Variants in NDST4 observed in about 807,000 individuals in gnomAD.
The protein encoded by NDST4 is N-deacetylase and N-sulfotransferase 4.
A neutral mutation model predicts 100.8 loss-of-function variants in NDST4; 63 were observed. The observed-to-expected ratio is 0.62, with a 90% CI of 0.51 to 0.77. The LOEUF (loss-of-function observed/expected upper bound fraction) is 0.77, where lower values mean the gene tolerates loss of function less well. NDST4 is among the 30% of genes least tolerant of loss of function. The pLI, the probability that NDST4 is intolerant of heterozygous loss-of-function variation, is 0.00. For missense variants in NDST4, 943 were observed against 1,018.4 expected (o/e 0.93, Z 1.01); for synonymous variants, 377 against 361.8 (o/e 1.04, Z -0.48).
chr4:114,844,390 T>C (rs1723498538), intron 10 of NDST4, among the ~76,000 whole-genome samples: 2 of 152,212 alleles, frequency 1.3e-5, no homozygotes, highest in Non-Finnish European at 2.9e-5. Context: ...GCCTCTCAGC[T>C]GCAACTCCTA....
chr4:114,932,446 T>C (rs570661242), intron 6 of NDST4, among the ~76,000 whole-genome samples: 11 of 152,054 alleles, frequency 7.2e-5, no homozygotes, highest in Non-Finnish European at 1.6e-4. Context: ...AAGAGAAGGA[T>C]GTTCACCCTA....
At chr4:114,830,221 T>C (rs952334004) in intron 12 of NDST4, among the ~76,000 whole-genome samples, 6 of 152,208 alleles carry the variant, frequency 3.9e-5, no homozygotes, top group Non-Finnish European at 7.4e-5. Flanking sequence ...AGCCAATATA[T>C]AAAGGAACTT....
intron 4 of NDST4, among the ~76,000 whole-genome samples, chr4:114,962,427 A>G (rs928231623): frequency 3.9e-5 from 6 of 151,998 alleles, no homozygotes; most frequent in Admixed American, 1.3e-4. Flanking sequence ...CCACTGAAAA[A>G]CTCTAAAAAT....
intron 2 of NDST4, among the ~76,000 whole-genome samples, chr4:115,000,842 C>A (rs888306466): frequency 6.6e-6 from 1 of 152,080 alleles, no homozygotes; most frequent in Admixed American, 6.6e-5. Context: ...AAATTTATTT[C>A]TTACAGTACT....
At chr4:114,828,452 G>A (rs1723127525) in intron 13 of NDST4, among the ~76,000 whole-genome samples, 1 of 151,820 alleles carries the variant, frequency 6.6e-6, no homozygotes. Flanking sequence ...TATTTTTTTA[G>A]TCACTAAGAG....
chr4:114,854,749 T>A (rs1160767975), intron 7 of NDST4, among the ~76,000 whole-genome samples: 1 of 152,202 alleles, frequency 6.6e-6, no homozygotes, highest in Non-Finnish European at 1.5e-5. Context: ...ATTACAGGCA[T>A]GAGCCCGACC....
At chr4:114,832,039 C>T (rs998730521) in intron 12 of NDST4, among the ~76,000 whole-genome samples, 1 of 152,016 alleles carries the variant, frequency 6.6e-6, no homozygotes, top group African/African-American at 2.4e-5. Flanking sequence ...ATATTTTGTA[C>T]TTGTTTGTAA....
intron 6 of NDST4, among the ~76,000 whole-genome samples, chr4:114,891,443 C>A (rs1724594523): frequency 6.6e-6 from 1 of 152,048 alleles, no homozygotes; most frequent in Non-Finnish European, 1.5e-5. Flanking sequence ...CCCAAACCAA[C>A]TCCTCCACCA....
At chr4:114,968,535 T>A (rs1726434663) in intron 4 of NDST4, among the ~76,000 whole-genome samples, 1 of 152,202 alleles carries the variant, frequency 6.6e-6, no homozygotes, top group African/African-American at 2.4e-5. Flanking sequence ...TATTTTAGGC[T>A]TTGTGGACCA....
chr4:115,021,156 T>A (rs188173349), intron 2 of NDST4, among the ~76,000 whole-genome samples: 36 of 151,858 alleles, frequency 2.4e-4, no homozygotes, highest in Non-Finnish European at 2.8e-4. Flanking sequence ...GTTGAACCAA[T>A]CTAAATGCCC....
intron 2 of NDST4, among the ~76,000 whole-genome samples, chr4:115,070,701 T>C (rs1729056987): frequency 6.6e-6 from 1 of 152,124 alleles, no homozygotes; most frequent in Non-Finnish European, 1.5e-5. Flanking sequence ...AAGAGAATGA[T>C]AAAATGAGAT....
At chr4:114,867,647 A>T (rs200422023) in intron 7 of NDST4, among the ~76,000 whole-genome samples, 89 of 91,480 alleles carry the variant, frequency 9.7e-4, no homozygotes, top group East Asian at 2.3e-3. Flanking sequence ...TGAGAATTAT[A>T]AAAAAAAAAA....
At chr4:115,018,209 C>CA (rs1727731998) in intron 2 of NDST4, among the ~76,000 whole-genome samples, 1 of 151,846 alleles carries the variant, frequency 6.6e-6, no homozygotes, top group African/African-American at 2.4e-5. Context: ...CCATTGAGAA[C>CA]AAAAAACAAA....
At chr4:114,980,266 A>G (rs1726737379) in intron 2 of NDST4, among the ~76,000 whole-genome samples, 2 of 152,228 alleles carry the variant, frequency 1.3e-5, no homozygotes, top group South Asian at 4.1e-4. Flanking sequence ...TCAATTTGGG[A>G]TACAAATAAA....
intron 6 of NDST4, among the ~76,000 whole-genome samples, chr4:114,883,995 A>G (rs898226095): frequency 2.6e-5 from 4 of 152,150 alleles, no homozygotes; most frequent in African/African-American, 9.7e-5. Context: ...GACACTCCCT[A>G]CAAAATAAAG....
chr4:114,989,176 G>A (rs1489491247), intron 2 of NDST4, among the ~76,000 whole-genome samples: 1 of 152,130 alleles, frequency 6.6e-6, no homozygotes, highest in African/African-American at 2.4e-5. Flanking sequence ...GGAAGCTAGT[G>A]AGACACTCAT....
chr4:114,917,376 G>A (rs1025283499), intron 6 of NDST4, among the ~76,000 whole-genome samples: 6 of 152,126 alleles, frequency 3.9e-5, no homozygotes, highest in African/African-American at 1.4e-4. Context: ...GGAAGCTGAT[G>A]GAGTCTAGTT....
intron 12 of NDST4, among the ~76,000 whole-genome samples, chr4:114,830,389 AT>A (rs1253159353): frequency 6.6e-6 from 1 of 152,180 alleles, no homozygotes; most frequent in African/African-American, 2.4e-5. Context: ...AAATTATTGC[AT>A]TTTTTACAGT....
intron 6 of NDST4, among the ~76,000 whole-genome samples, chr4:114,904,721 G>T (rs569220271): frequency 6.6e-6 from 1 of 151,882 alleles, no homozygotes; most frequent in Admixed American, 6.6e-5. Context: ...CAGGGAATAA[G>T]AGGTATCAAT....
Sources: gnomAD v4.1 joint callset for allele counts (sites outside exome capture counted in the v4.1 genomes callset) on GRCh38, gnomAD v4.1.1 for gene constraint, MANE v1.5 for transcripts, NCBI Gene and HGNC (gene_info 2026-07-23, HGNC 2026-07-21) for gene names.